BAZ2B: variants seen among roughly 807,000 people sequenced by gnomAD.
BAZ2B encodes bromodomain adjacent to zinc finger domain 2B.
A neutral mutation model predicts 246.0 loss-of-function variants in BAZ2B; 91 were observed. The observed-to-expected ratio is 0.37, with a 90% CI of 0.31 to 0.44. The LOEUF (loss-of-function observed/expected upper bound fraction) is 0.44. Among genes scored for constraint, BAZ2B ranks in the 20% least tolerant of loss-of-function variants. The pLI is 1.00. For synonymous variants in BAZ2B, 855 were observed against 860.0 expected (o/e 0.99, Z 0.10); for missense variants, 2,332 against 2,533.7 (o/e 0.92, Z 1.71).
chr2:159,396,276 T>C (rs989829599), intron 19 of BAZ2B: 6 of 152,518 alleles, frequency 3.9e-5, no homozygotes, highest in African/African-American at 1.2e-4. Flanking sequence ...AATTGATTTA[T>C]AGTCACTTTA....
chr2:159,344,141 G>A (rs966992212), intron 31 of BAZ2B, among the ~76,000 whole-genome samples: 1 of 151,748 alleles, frequency 6.6e-6, no homozygotes, highest in African/African-American at 2.4e-5. Flanking sequence ...CCACTATGAA[G>A]AACAGTATGT....
At chr2:159,415,731 C>A (rs2067594693) in intron 13 of BAZ2B, among the ~76,000 whole-genome samples, 1 of 152,086 alleles carries the variant, frequency 6.6e-6, no homozygotes. Flanking sequence ...ACCCAAAGTT[C>A]TTGAGTTTTA....
At chr2:159,361,943 T>A (rs1484009535) in intron 27 of BAZ2B, among the ~76,000 whole-genome samples, 11 of 82,268 alleles carry the variant, frequency 1.3e-4, no homozygotes, top group Admixed American at 2.9e-4. Flanking sequence ...CAACACACAC[T>A]GGGGCCTGTC....
intron 3 of BAZ2B, chr2:159,464,437 G>T (rs1031171159): frequency 2.0e-5 from 3 of 152,150 alleles, no homozygotes; most frequent in Admixed American, 6.5e-5. Context: ...TATTAGAAAA[G>T]ATGGTCAATG....
intron 3 of BAZ2B, among the ~76,000 whole-genome samples, chr2:159,457,944 T>A (rs1208243480): frequency 6.6e-6 from 1 of 152,120 alleles, no homozygotes; most frequent in Non-Finnish European, 1.5e-5. Context: ...AATTCCTAGA[T>A]CCCTCTAATC....
In BAZ2B at chr2:159,580,215, G is replaced by A. The variant is rs532405884; in HGVS notation, c.-45-24350C>T. Reference sequence around the variant, plus strand: ...CTCCTTAAGCTGATAAGCAACTTCAGTAAAGTCTCAGGATACAAAATCAAT... The same window carrying A: ...CTCCTTAAGCTGATAAGCAACTTCAATAAAGTCTCAGGATACAAAATCAAT... On this transcript the variant is annotated intron_variant, in intron 1 of 36. Transcript: ENST00000392783. 5.4e-4 allele frequency among the ~76,000 whole-genome samples: 83 copies of A among 152,296 alleles called. No homozygotes were observed. The South Asian group carries it at 6.0e-3, about 11-fold the overall frequency.
chr2:159,704,472 CTT>C, the BAZ2B span, among the ~76,000 whole-genome samples: 1 of 132,108 alleles, frequency 7.6e-6, no homozygotes, highest in Admixed American at 7.5e-5. Context: ...CCCTCTCTAT[CTT>C]TCTTTTTCTT....
chr2:159,366,990 C>A, intron 27 of BAZ2B, among the ~76,000 whole-genome samples: 1 of 152,080 alleles, frequency 6.6e-6, no homozygotes, highest in East Asian at 1.9e-4. Flanking sequence ...TCTCTTGTTC[C>A]CAAGACCCAT....
At chr2:159,339,474 G>A (rs1275395076) in intron 31 of BAZ2B, among the ~76,000 whole-genome samples, 1 of 152,082 alleles carries the variant, frequency 6.6e-6, no homozygotes, top group African/African-American at 2.4e-5. Flanking sequence ...GATCAAGATA[G>A]ACAACCAACT....
intron 36 of BAZ2B, among the ~76,000 whole-genome samples, chr2:159,322,994 CTTT>C (rs71406166): frequency 5.1e-5 from 7 of 137,224 alleles, no homozygotes; most frequent in Non-Finnish European, 6.4e-5. Context: ...GATTTTGTAG[CTTT>C]TTTTTTTTTT....
At chr2:159,684,089 T>C in the BAZ2B span, among the ~76,000 whole-genome samples, 1 of 152,254 alleles carries the variant, frequency 6.6e-6, no homozygotes, top group Non-Finnish European at 1.5e-5. Context: ...CTTTTGAGTC[T>C]GGCTTCTGTC....
At chr2:159,438,942 T>C in intron 7 of BAZ2B, 67 bp downstream of exon 7, 1 of 1,491,000 alleles carries the variant, frequency 6.7e-7, no homozygotes, top group Non-Finnish European at 9.2e-7. Flanking sequence ...ACTTTGAGAG[T>C]CAAGATAAAC....
Position 159,545,666 on chromosome 2 carries a change from A to G in BAZ2B, c.-3+10157T>C, listed in dbSNP as rs137900831. On this transcript the variant is annotated intron_variant, in intron 2 of 36. Coordinates refer to ENST00000392783, the MANE Select transcript of BAZ2B (RefSeq NM_013450.4). The stretch of plus-strand genomic sequence containing the variant: ...CACTACTAGGAAAAAGTACTGAGAC[A>G]GACTCTAATGAAACTGCAAGGATGA... Among the ~76,000 whole-genome samples, 506 of 152,344 alleles carry G rather than the reference A, an allele frequency of 3.3e-3. 5 individuals are homozygous for G. Among genetic ancestry groups the G allele is most frequent in the African/African-American group, 0.011 (469 of 41,590 alleles).
intron 20 of BAZ2B, among the ~76,000 whole-genome samples, chr2:159,394,489 A>AGGGAAAAAAAGACAGC (rs1445804894): frequency 3.9e-5 from 6 of 152,200 alleles, no homozygotes; most frequent in Non-Finnish European, 7.3e-5. Flanking sequence ...TCAAAAGGTT[A>AGGGAAAAAAAGACAGC]GGGAAAAAAA....
At chr2:159,454,383 TGTACAGTGTACTTACACAACCTAGGTG>T (rs1359296040) in intron 3 of BAZ2B, among the ~76,000 whole-genome samples, 1 of 152,192 alleles carries the variant, frequency 6.6e-6, no homozygotes, top group Non-Finnish European at 1.5e-5. Context: ...ATGCAAACAT[TGTACAGTGTACTTACACAACCTAGGTG>T]GTACAGTCTA....
At chr2:159,562,005 T>A (rs528344479) in intron 1 of BAZ2B, among the ~76,000 whole-genome samples, 1 of 152,322 alleles carries the variant, frequency 6.6e-6, no homozygotes, top group East Asian at 1.9e-4. Context: ...TGCAATTTGC[T>A]TTACTTTGGT....
chr2:159,446,979 G>T lies in BAZ2B; in HGVS notation c.503-4C>A. The T allele has an allele frequency of 6.5e-7, 1 of 1,526,768 alleles. No individual in the cohort carries two copies. Among genetic ancestry groups the T allele is most frequent in the South Asian group, 1.3e-5 (1 of 77,870 alleles). 94.6% of individuals were successfully genotyped at this position (1,526,768 alleles called of 1,614,324 possible). On this transcript the variant is annotated splice_region_variant and splice_polypyrimidine_tract_variant and intron_variant, in intron 5 of 36. Transcript: ENST00000392783. ...CCATTTATTGACCCATTTACACCTT[G>T]AAAATAAAAATAAACATGTTTATAC...
At chr2:159,357,218 A>G in intron 27 of BAZ2B, among the ~76,000 whole-genome samples, 1 of 152,078 alleles carries the variant, frequency 6.6e-6, no homozygotes, top group Non-Finnish European at 1.5e-5. Flanking sequence ...CGATGAAGCT[A>G]AGAACCTTGA....
At chr2:159,684,996 T>A in the BAZ2B span, among the ~76,000 whole-genome samples, 1 of 152,238 alleles carries the variant, frequency 6.6e-6, no homozygotes, top group Non-Finnish European at 1.5e-5. Context: ...GGTGGAGGTA[T>A]CTTTGCATAA....
Sources: gnomAD v4.1 joint callset for allele counts (sites outside exome capture counted in the v4.1 genomes callset) on GRCh38, gnomAD v4.1.1 for gene constraint, MANE v1.5 for transcripts, NCBI Gene and HGNC (gene_info 2026-07-23, HGNC 2026-07-21) for gene names.